The following GPC5 variants were observed in gnomAD, a reference collection of about 807,000 sequenced individuals.
The protein encoded by GPC5 is glypican 5.
In GPC5, 47 loss-of-function variants were observed where a neutral mutation model predicts 53.9. That is an observed-to-expected ratio of 0.87 (90% confidence interval 0.69 to 1.11). The LOEUF (loss-of-function observed/expected upper bound fraction) is 1.11, where lower values mean the gene tolerates loss of function less well. GPC5 is among the 50% of genes most tolerant of loss of function. The probability of loss-of-function intolerance (pLI) is 0.00; values close to 1 mark genes in which losing one functional copy is unlikely to be tolerated. For synonymous variants in GPC5, 286 were observed against 263.3 expected, an observed-to-expected ratio of 1.09 and a Z score of -0.84; for missense variants, 748 against 713.1, an observed-to-expected ratio of 1.05 and a Z score of -0.56.
At chr13:92,784,714 A>G (rs1876153298) in intron 7 of GPC5, among the ~76,000 whole-genome samples, 1 of 152,180 alleles carries the variant, frequency 6.6e-6, no homozygotes, top group African/African-American at 2.4e-5. Flanking sequence ...CAGTTAGTGG[A>G]TTAACAAATG....
At chr13:91,610,594 T>G (rs2033517481) in intron 2 of GPC5, among the ~76,000 whole-genome samples, 1 of 152,212 alleles carries the variant, frequency 6.6e-6, no homozygotes, top group Non-Finnish European at 1.5e-5. Flanking sequence ...CTGGCTGCTT[T>G]CATTTTCTAA....
intron 7 of GPC5, among the ~76,000 whole-genome samples, chr13:92,809,206 C>G (rs1224055670): frequency 6.6e-6 from 1 of 152,140 alleles, no homozygotes; most frequent in Admixed American, 6.6e-5. Context: ...TGTGGTCACA[C>G]AGCATAACTG....
chr13:92,674,376 C>T (rs970304729), intron 7 of GPC5, among the ~76,000 whole-genome samples: 3 of 152,066 alleles, frequency 2.0e-5, no homozygotes, highest in Admixed American at 2.0e-4. Flanking sequence ...TATCTGGCTG[C>T]CCTCTTAGAA....
At chr13:91,657,280 G>A (rs1160660081) in intron 2 of GPC5, among the ~76,000 whole-genome samples, 3 of 152,094 alleles carry the variant, frequency 2.0e-5, no homozygotes, top group Non-Finnish European at 4.4e-5. Context: ...TCGAAATGGA[G>A]TGATGAGAAG....
At chr13:92,287,517 C>G (rs950099784) in intron 7 of GPC5, among the ~76,000 whole-genome samples, 2 of 151,972 alleles carry the variant, frequency 1.3e-5, no homozygotes, top group Non-Finnish European at 1.5e-5. Context: ...GTGCCTCATA[C>G]ATATTGAAGC....
intron 2 of GPC5, among the ~76,000 whole-genome samples, chr13:91,566,316 A>C (rs978465759): frequency 6.6e-6 from 1 of 152,188 alleles, no homozygotes; most frequent in African/African-American, 2.4e-5. Flanking sequence ...CTGTAATCCC[A>C]GCACTTTGGG....
intron 2 of GPC5, among the ~76,000 whole-genome samples, chr13:91,485,418 G>T (rs929825000): frequency 1.3e-5 from 2 of 152,012 alleles, no homozygotes; most frequent in African/African-American, 4.8e-5. Context: ...GGGTTTCAAA[G>T]TGTTGGCCAG....
chr13:91,555,584 G>C (rs1053614532), intron 2 of GPC5, among the ~76,000 whole-genome samples: 4 of 151,962 alleles, frequency 2.6e-5, no homozygotes, highest in Non-Finnish European at 5.9e-5. Flanking sequence ...TGGCCTCTTA[G>C]CTCCCTTGGC....
At chr13:92,434,724 A>C (rs942827581) in intron 7 of GPC5, among the ~76,000 whole-genome samples, 1 of 152,192 alleles carries the variant, frequency 6.6e-6, no homozygotes, top group Non-Finnish European at 1.5e-5. Flanking sequence ...CCCCTTATTA[A>C]GAAATGATAA....
chr13:91,618,006 C>CCAGCCAAAA (rs2033745377), intron 2 of GPC5, among the ~76,000 whole-genome samples: 2 of 152,032 alleles, frequency 1.3e-5, no homozygotes. Context: ...GCTCCAGCCA[C>CCAGCCAAAA]TGAAAAATGT....
intron 1 of GPC5, among the ~76,000 whole-genome samples, chr13:91,412,249 G>C (rs897609675): frequency 6.6e-6 from 1 of 152,184 alleles, no homozygotes; most frequent in Middle Eastern, 3.2e-3. Context: ...GTGCCTTTTC[G>C]TGGCTGAATT....
At chr13:92,464,792 T>C (rs1878626960) in intron 7 of GPC5, among the ~76,000 whole-genome samples, 1 of 151,994 alleles carries the variant, frequency 6.6e-6, no homozygotes, top group African/African-American at 2.4e-5. Context: ...CAACGTGTGT[T>C]TGTTTATGGG....
intron 7 of GPC5, among the ~76,000 whole-genome samples, chr13:92,192,628 T>C (rs1341262804): frequency 6.6e-6 from 1 of 152,198 alleles, no homozygotes; most frequent in Non-Finnish European, 1.5e-5. Flanking sequence ...TTGGTAATTA[T>C]GAAATTAGAT....
At chr13:92,398,676 T>C (rs1423676656) in intron 7 of GPC5, among the ~76,000 whole-genome samples, 1 of 152,198 alleles carries the variant, frequency 6.6e-6, no homozygotes, top group East Asian at 1.9e-4. Context: ...TACTCTTCTA[T>C]AAATACATCC....
At chr13:91,829,812 A>G (rs1391182339) in intron 5 of GPC5, among the ~76,000 whole-genome samples, 1 of 152,088 alleles carries the variant, frequency 6.6e-6, no homozygotes, top group Non-Finnish European at 1.5e-5. Flanking sequence ...AGTTTTTATT[A>G]GGGACTTTCA....
At chr13:92,558,337 TAAAAG>T (rs1566293003) in intron 7 of GPC5, among the ~76,000 whole-genome samples, 1 of 152,026 alleles carries the variant, frequency 6.6e-6, no homozygotes. Flanking sequence ...CATTTTCTAA[TAAAAG>T]AAACTAACAT....
chr13:91,835,689 A>G (rs532560425), intron 5 of GPC5, among the ~76,000 whole-genome samples: 1 of 151,918 alleles, frequency 6.6e-6, no homozygotes, highest in East Asian at 1.9e-4. Flanking sequence ...AACAATGAGA[A>G]CACATGGACA....
chr13:92,183,328 G>A (rs767865170), intron 7 of GPC5, among the ~76,000 whole-genome samples: 1 of 152,120 alleles, frequency 6.6e-6, no homozygotes, highest in Non-Finnish European at 1.5e-5. Flanking sequence ...ACCATGGAAG[G>A]CTGAGGTTGG....
chr13:91,837,281 T>G (rs1396306350), intron 5 of GPC5, among the ~76,000 whole-genome samples: 2 of 152,110 alleles, frequency 1.3e-5, no homozygotes, highest in Non-Finnish European at 2.9e-5. Context: ...CTTTTTGATC[T>G]GATTGCCTTT....
Sources: gnomAD v4.1 joint callset for allele counts (sites outside exome capture counted in the v4.1 genomes callset) on GRCh38, gnomAD v4.1.1 for gene constraint, MANE v1.5 for transcripts, NCBI Gene and HGNC (gene_info 2026-07-23, HGNC 2026-07-21) for gene names.